STIM1: variants seen among roughly 807,000 people sequenced by gnomAD.
STIM1 encodes stromal interaction molecule 1.
Under a neutral mutation model 74.7 loss-of-function variants are expected in STIM1, and 25 were observed. The observed-to-expected ratio is 0.33, with a 90% CI of 0.24 to 0.47. STIM1 has a LOEUF of 0.47. STIM1 is among the 20% of genes least tolerant of loss of function. The pLI is 1.00. For synonymous variants in STIM1, 328 were observed against 348.8 expected, an observed-to-expected ratio of 0.94 and a Z score of 0.66; for missense variants, 728 against 920.8, an observed-to-expected ratio of 0.79 and a Z score of 2.71.
intron 1 of STIM1, among the ~76,000 whole-genome samples, chr11:3,900,154 C>T (rs1004939643): frequency 2.5e-4 from 38 of 152,208 alleles, no homozygotes; most frequent in Admixed American, 6.5e-4. Context: ...GACCCTCCCC[C>T]AGCCTCACTG....
intron 1 of STIM1, among the ~76,000 whole-genome samples, chr11:3,870,402 T>A (rs545191734): frequency 6.6e-6 from 1 of 152,354 alleles, no homozygotes; most frequent in South Asian, 2.1e-4. Context: ...GAGCCTCATA[T>A]TCCCTTTTGT....
intron 1 of STIM1, among the ~76,000 whole-genome samples, chr11:3,885,418 C>G (rs1353852721): frequency 6.6e-6 from 1 of 152,100 alleles, no homozygotes; most frequent in Non-Finnish European, 1.5e-5. Context: ...AACCCCTGGG[C>G]TCAAGTGATC....
At position 3,880,156 on chromosome 11, in the gene STIM1, T is replaced by A. The variant is rs150415503; in HGVS notation, c.139+23747T>A. On this transcript the variant is annotated intron_variant, in intron 1 of 12. Transcript: ENST00000526596. ...CTCATGACCCTTAGTAAATCATTAA[T>A]CTCTCTGAGCCTTAGGGCCACTGAG... is the stretch of plus-strand genomic sequence containing the variant. 4.6e-5 allele frequency among the ~76,000 whole-genome samples: 7 copies of A among 152,322 alleles called. No homozygotes were observed. In the East Asian group the frequency reaches 1.3e-3, roughly 29 times the overall value.
intron 2 of STIM1, among the ~76,000 whole-genome samples, chr11:3,992,948 A>T (rs922247326): frequency 6.6e-6 from 1 of 152,188 alleles, no homozygotes; most frequent in Non-Finnish European, 1.5e-5. Flanking sequence ...TTTAAAACAT[A>T]TCCAAAATAG....
chr11:3,997,767 C>T (rs2093676078), intron 2 of STIM1, among the ~76,000 whole-genome samples: 1 of 152,148 alleles, frequency 6.6e-6, no homozygotes, highest in Non-Finnish European at 1.5e-5. Context: ...GCAACTGATG[C>T]ACTGAGGAAG....
At chr11:4,042,896 C>T (rs1185880281) in intron 3 of STIM1, among the ~76,000 whole-genome samples, 1 of 152,182 alleles carries the variant, frequency 6.6e-6, no homozygotes, top group East Asian at 1.9e-4. Flanking sequence ...TTTAATTCAA[C>T]AACTCTGGGA....
chr11:4,060,083 G>A (rs2094320196), intron 5 of STIM1, among the ~76,000 whole-genome samples: 1 of 152,170 alleles, frequency 6.6e-6, no homozygotes, highest in Admixed American at 6.5e-5. Flanking sequence ...CACTGAAGCA[G>A]TAGACACACT....
At chr11:3,943,304 A>G (rs2093032799) in intron 1 of STIM1, among the ~76,000 whole-genome samples, 1 of 152,188 alleles carries the variant, frequency 6.6e-6, no homozygotes, top group African/African-American at 2.4e-5. Flanking sequence ...ACATGATAAG[A>G]TTGCCACATG....
intron 2 of STIM1, among the ~76,000 whole-genome samples, chr11:4,003,973 G>C (rs1238276967): frequency 1.3e-5 from 2 of 152,168 alleles, no homozygotes; most frequent in African/African-American, 4.8e-5. Context: ...CAAATCATGA[G>C]TGAACTCCCA....
At chr11:4,047,806 C>A in intron 3 of STIM1, among the ~76,000 whole-genome samples, 1 of 148,884 alleles carries the variant, frequency 6.7e-6, no homozygotes, top group African/African-American at 2.5e-5. Flanking sequence ...GGTGGCAGAG[C>A]AAGACCTGTC....
chr11:3,937,990 G>C (rs1358177115), intron 1 of STIM1, among the ~76,000 whole-genome samples: 1 of 150,540 alleles, frequency 6.6e-6, no homozygotes, highest in Non-Finnish European at 1.5e-5. Flanking sequence ...CTGCAATGTA[G>C]TGGGGCGATC....
intron 12 of STIM1, among the ~76,000 whole-genome samples, chr11:4,090,247 T>A (rs1032347576): frequency 6.6e-6 from 1 of 152,176 alleles, no homozygotes; most frequent in African/African-American, 2.4e-5. Flanking sequence ...ATAAATTGAA[T>A]TGGTATTATC....
intron 2 of STIM1, among the ~76,000 whole-genome samples, chr11:3,982,968 G>C: frequency 6.6e-6 from 1 of 152,060 alleles, no homozygotes; most frequent in Non-Finnish European, 1.5e-5. Context: ...GTCTTGCTCT[G>C]TCACCCAGGC....
At chr11:4,082,415 T>C (rs939119080) in intron 8 of STIM1, 64 bp downstream of exon 8, 20 of 1,474,606 alleles carry the variant, frequency 1.4e-5, no homozygotes, top group Non-Finnish European at 1.9e-5. Flanking sequence ...TACCTGCATA[T>C]CTTCCTCTTC....
chr11:3,861,235 A>ATT (rs35261978), intron 1 of STIM1, among the ~76,000 whole-genome samples: 6 of 137,910 alleles, frequency 4.4e-5, no homozygotes, highest in Admixed American at 1.5e-4. Context: ...TAGTGGTTCT[A>ATT]TTTTTTTTTT....
At chr11:4,010,930 C>G (rs1055565358) in intron 2 of STIM1, among the ~76,000 whole-genome samples, 2 of 152,122 alleles carry the variant, frequency 1.3e-5, no homozygotes, top group Non-Finnish European at 2.9e-5. Flanking sequence ...TGTATGTTCT[C>G]ATTGTTCAAC....
At chr11:4,005,621 CT>C (rs1463233628) in intron 2 of STIM1, among the ~76,000 whole-genome samples, 1 of 151,852 alleles carries the variant, frequency 6.6e-6, no homozygotes, top group African/African-American at 2.4e-5. Context: ...GGAGATATAC[CT>C]AATGCTAAAT....
intron 1 of STIM1, among the ~76,000 whole-genome samples, chr11:3,959,414 TTTAA>T (rs1391523976): frequency 3.9e-5 from 6 of 152,216 alleles, no homozygotes; most frequent in Admixed American, 3.9e-4. Flanking sequence ...GATATGGTTT[TTTAA>T]TTAATTAATT....
At position 4,091,384 on chromosome 11, in the gene STIM1, C is replaced by T; in HGVS notation, c.1737C>T (p.Leu579=). Residue 579 remains leucine (L), a synonymous_variant, in exon 13 of 13, where the codon CTC becomes CTT. Coordinates refer to ENST00000526596, the MANE Select transcript of STIM1 (RefSeq NM_001382567.1). ...TGAGCCGTGCTGCAGACGAGGCTCT[C>T]AATGCCATGACTTCCAATGGCAGCC... ...PQMSRAADEA[L]NAMTSNGSHR... is the part of the protein sequence containing the mutation. 1 of 1,614,242 alleles carries T rather than the reference C, an allele frequency of 6.2e-7. No individual in the cohort carries two copies. The highest frequency in any genetic ancestry group is 1.1e-5 in the South Asian group (1 of 91,084).
Sources: gnomAD v4.1 joint callset for allele counts (sites outside exome capture counted in the v4.1 genomes callset) on GRCh38, gnomAD v4.1.1 for gene constraint, MANE v1.5 for transcripts, NCBI Gene and HGNC (gene_info 2026-07-23, HGNC 2026-07-21) for gene names.